Variants in ZNF816 observed in about 807,000 individuals in gnomAD.
The protein encoded by ZNF816 is zinc finger protein 816A.
ZNF816 carries 11 observed loss-of-function variants against 8.3 expected under a neutral mutation model. The ratio of observed to expected loss-of-function variants is 1.32; its 90% CI spans 0.83 to 2.19. The LOEUF (loss-of-function observed/expected upper bound fraction) is 2.19, where lower values mean the gene tolerates loss of function less well. Among genes scored for constraint, ZNF816 ranks in the 30% most tolerant of loss-of-function variants. The pLI is 0.00. For synonymous variants in ZNF816, 255 were observed against 254.5 expected (o/e 1.00, Z -0.02); for missense variants, 710 against 779.3 (o/e 0.91, Z 1.06).
chr19:52,956,217 C>T (rs2083509242), intron 1 of ZNF816, 113 bp from the exon 2 acceptor site: 3 of 1,165,038 alleles, frequency 2.6e-6, no homozygotes, highest in South Asian at 1.6e-5. Context: ...TCCTTTGCTA[C>T]CCACTGCACC....
At chr19:52,952,497 T>A in intron 3 of ZNF816, 1 of 583,584 alleles carries the variant, frequency 1.7e-6, no homozygotes, top group Non-Finnish European at 2.8e-6. Context: ...CAGGGACATC[T>A]CTTCCTAGAG....
At chr19:52,952,642 G>A in intron 3 of ZNF816, 109 bp downstream of exon 3, 14 of 1,571,816 alleles carry the variant, frequency 8.9e-6, no homozygotes, top group Non-Finnish European at 1.2e-5. Context: ...ACAATGACAT[G>A]TACATCAAAA....
In ZNF816 at chr19:52,957,569, T is replaced by C. The variant is rs1407819154; in HGVS notation, c.-15-1465A>G. ...GGCTCAACTGCCCCCAAGGAGCCCA[T>C]GGTCAAGATGACAGTTAGGGGCAAA... On this transcript the variant is annotated intron_variant, in intron 1 of 3. Transcript: ENST00000444460. This position sits in a 1 kb window ranked among gnomAD's most constrained non-coding sequence, Gnocchi z 4.6. Among the ~76,000 whole-genome samples, 1 of 152,212 alleles carries C rather than the reference T, an allele frequency of 6.6e-6. No homozygotes were observed. The highest frequency in any genetic ancestry group is 1.5e-5 in the Non-Finnish European group (1 of 68,032).
At position 52,957,762 on chromosome 19, in the gene ZNF816, C is replaced by A. The variant is rs138204748; in HGVS notation, c.-15-1658G>T. 3.9e-3 allele frequency among the ~76,000 whole-genome samples: 600 copies of A among 152,288 alleles called. 4 individuals are homozygous for A. The highest frequency in any genetic ancestry group is 0.014 in the African/African-American group (572 of 41,540). ...TGTAGGAAGACATAAAGTGATTCAC[C>A]AGTTCTTGTACATGCCTGACTTGAA... On this transcript the variant is annotated intron_variant, in intron 1 of 3. Transcript: ENST00000444460. The surrounding 1 kb of genome is among the most constrained non-coding windows in gnomAD (Gnocchi z 4.6).
In ZNF816 at chr19:52,950,079, T is replaced by C; in HGVS notation, c.1696A>G (p.Lys566Glu). 6.2e-7 allele frequency: 1 copy of C among 1,614,124 alleles called. No individual in the cohort carries two copies. The highest frequency in any genetic ancestry group is 8.5e-7 in the Non-Finnish European group (1 of 1,179,988). ...AAAACCTTCGCACATTTATTACACT[T>C]GTAAGGTTTCTCTCCAGTATGAACT... is the stretch of plus-strand genomic sequence containing the variant. ...TRVHTGEKPY[K>E]CNKCAKVFNQ... The change falls in exon 4 of 4, where the codon AAG becomes GAG. Residue 566 changes from lysine (K) to glutamate (E), a missense_variant. Coordinates refer to ENST00000444460, the MANE Select transcript of ZNF816 (RefSeq NM_001202457.3).
In ZNF816 at chr19:52,951,097, T is replaced by C; in HGVS notation, c.678A>G (p.Glu226=). 5 of 1,614,024 alleles carry C rather than the reference T, an allele frequency of 3.1e-6. No homozygotes were observed. Among genetic ancestry groups the C allele is most frequent in the Non-Finnish European group, 4.2e-6 (5 of 1,179,976 alleles). The change falls in exon 4 of 4, where the codon GAA becomes GAG. Residue 226 remains glutamate, a synonymous_variant. Transcript: ENST00000444460. ...FTQIQEICMR[E]KPCQSNECGK... is the part of the protein sequence containing the mutation. ...CACACTCATTACTTTGGCAAGGTTT[T>C]TCTCTCATGCATATTTCCTGTATTT...
chr19:52,955,762 C>A (rs1310929971), intron 2 of ZNF816, among the ~76,000 whole-genome samples: 2 of 152,148 alleles, frequency 1.3e-5, no homozygotes, highest in Non-Finnish European at 2.9e-5. Context: ...TCACTGACAC[C>A]ATGGGGCCCA....
intron 2 of ZNF816, 83 bp from the exon 3 acceptor site, chr19:52,952,960 G>T (rs1385063269): frequency 2.0e-6 from 3 of 1,507,392 alleles, no homozygotes; most frequent in African/African-American, 2.8e-5. Flanking sequence ...CAGAAAATAA[G>T]TATTGATTTG....
intron 1 of ZNF816, among the ~76,000 whole-genome samples, chr19:52,959,197 C>T (rs192139833): frequency 6.6e-6 from 1 of 152,262 alleles, no homozygotes; most frequent in East Asian, 1.9e-4. Context: ...ACATAAAGGC[C>T]CCCCATGCTG....
chr19:52,951,056 T>C lies in ZNF816; in HGVS notation c.719A>G (p.Tyr240Cys). The C allele has an allele frequency of 1.9e-6, 3 of 1,614,098 alleles. No individual in the cohort carries two copies. The highest frequency in any genetic ancestry group is 2.5e-6 in the Non-Finnish European group (3 of 1,180,014). ...QSNECGKAFNYSSLLRRHHIT... is the reference protein window; with the variant it reads ...QSNECGKAFNCSSLLRRHHIT... Reference sequence around the variant, plus strand: ...GTGGTGTCTCCTTAAGAGTGAGCTATAATTAAAGGCTTTGCCACACTCATT... The same window carrying C: ...GTGGTGTCTCCTTAAGAGTGAGCTACAATTAAAGGCTTTGCCACACTCATT... Residue 240 changes from tyrosine to cysteine, a missense_variant, in exon 4 of 4, where the codon TAT becomes TGT. Coordinates refer to ENST00000444460, the MANE Select transcript of ZNF816 (RefSeq NM_001202457.3).
chr19:52,950,288 A>G lies in ZNF816; in HGVS notation c.1487T>C (p.Leu496Pro). 1 of 1,613,468 alleles carries G rather than the reference A, an allele frequency of 6.2e-7. No individual in the cohort carries two copies. Among genetic ancestry groups the G allele is most frequent in the Non-Finnish European group, 8.5e-7 (1 of 1,179,844 alleles). ...CGKVFSRREN[L>P]ARHHRLHAGE... is the part of the protein sequence containing the mutation. ...AGCATGAAGTCTATGATGACGTGCA[A>G]GGTTTTCTCTTCGACTAAAAACCTT... Residue 496 changes from leucine (L) to proline (P), a missense_variant, in exon 4 of 4, where the codon CTT (leucine) becomes CCT (proline). By Grantham distance (98) the Leu-to-Pro change is moderately conservative. Transcript: ENST00000444460.
In ZNF816 at chr19:52,950,010, C is replaced by T. The variant is rs781192258; in HGVS notation, c.1765G>A (p.Gly589Arg). Residue 589 changes from glycine (G) to arginine (R), a missense_variant, in exon 4 of 4, where the codon GGA becomes AGA. Coordinates refer to ENST00000444460, the MANE Select transcript of ZNF816 (RefSeq NM_001202457.3). ...ILAQHQRVHT[G>R]EKPYKCNECG... ...TCATTACACTTGTAAGGTTTCTCTC[C>T]AGTATGAACTCTCTGATGTTGTGCA... 1 of 1,614,008 alleles carries T rather than the reference C, an allele frequency of 6.2e-7. No individual in the cohort carries two copies. Among genetic ancestry groups the T allele is most frequent in the East Asian group, 2.2e-5 (1 of 44,870 alleles).
At chr19:52,960,357 G>A (rs570318802) in intron 1 of ZNF816, among the ~76,000 whole-genome samples, 2 of 152,318 alleles carry the variant, frequency 1.3e-5, no homozygotes, top group African/African-American at 4.8e-5. Context: ...TATCCCACAC[G>A]AACTGAGAAA....
intron 2 of ZNF816, among the ~76,000 whole-genome samples, chr19:52,955,140 C>T (rs1212191679): frequency 6.6e-6 from 1 of 151,948 alleles, no homozygotes; most frequent in Admixed American, 6.6e-5. Context: ...AACTTATAAT[C>T]ATTTTTACCT....
Position 52,951,108 on chromosome 19 carries a change from A to C in ZNF816, c.667T>G (p.Cys223Gly), listed in dbSNP as rs777538103. 36 of 1,613,894 alleles carry C rather than the reference A, an allele frequency of 2.2e-5. No individual in the cohort carries two copies. Among genetic ancestry groups the C allele is most frequent in the Admixed American group, 5.0e-5 (3 of 59,978 alleles). ...CTTTGGCAAGGTTTTTCTCTCATGC[A>C]TATTTCCTGTATTTGTGTGAATGAA... ...HSSFTQIQEI[C>G]MREKPCQSNE... The change falls in exon 4 of 4, where the codon TGC (cysteine) becomes GGC (glycine). Residue 223 changes from cysteine (C) to glycine (G), a missense_variant. Cys to Gly is a radical substitution (Grantham distance 159). Transcript: ENST00000444460.
rs2083446817 is a variant in ZNF816 at position 52,950,497 on chromosome 19, T to C, written c.1278A>G (p.Lys426=). The C allele has an allele frequency of 6.2e-7, 1 of 1,613,554 alleles. No homozygotes were observed. The highest frequency in any genetic ancestry group is 8.5e-7 in the Non-Finnish European group (1 of 1,179,786). Residue 426 remains lysine, a synonymous_variant, in exon 4 of 4, where the codon AAA becomes AAG. Transcript: ENST00000444460. ...GGAAAACCTTGTCACAAACCTTACA[T>C]TTGTATGATCCCTCTCCAGTATGAA... ...RKIHTGEGSY[K]CKVCDKVFRS...
intron 2 of ZNF816, among the ~76,000 whole-genome samples, chr19:52,955,632 T>C (rs2083503217): frequency 6.6e-6 from 1 of 152,226 alleles, no homozygotes; most frequent in Non-Finnish European, 1.5e-5. Flanking sequence ...CTTCCAGAAT[T>C]TACCAGATTA....
At chr19:52,962,536 C>T (rs2083566207) in intron 1 of ZNF816, among the ~76,000 whole-genome samples, 191 bp downstream of exon 1, 2 of 152,080 alleles carry the variant, frequency 1.3e-5, no homozygotes, top group Admixed American at 6.5e-5. Context: ...AGCGCTCTTG[C>T]CCAGGGCAAG....
chr19:52,956,848 G>A (rs747496441), intron 1 of ZNF816, among the ~76,000 whole-genome samples: 14 of 152,172 alleles, frequency 9.2e-5, no homozygotes, highest in Non-Finnish European at 1.8e-4. Flanking sequence ...ATAGCCAGAC[G>A]ACCTTGGTGC....
Sources: gnomAD v4.1 joint callset for allele counts (sites outside exome capture counted in the v4.1 genomes callset) on GRCh38, gnomAD v4.1.1 for gene constraint, Gnocchi (gnomAD v3.1) non-coding constraint, MANE v1.5 for transcripts, NCBI Gene and HGNC (gene_info 2026-07-23, HGNC 2026-07-21) for gene names.